Variants in PEMT observed in about 807,000 individuals in gnomAD.
The protein encoded by PEMT is phospholipid methyltransferase.
PEMT carries 23 observed loss-of-function variants against 27.4 expected under a neutral mutation model. That is an observed-to-expected ratio of 0.84 (90% confidence interval 0.60 to 1.19). The LOEUF is 1.19. Among genes scored for constraint, PEMT ranks in the 50% most tolerant of loss-of-function variants. PEMT has a pLI of 0.00. For missense variants in PEMT, 307 were observed against 310.1 expected, an observed-to-expected ratio of 0.99 and a Z score of 0.07; for synonymous variants, 137 against 139.1, an observed-to-expected ratio of 0.98 and a Z score of 0.11.
intron 3 of PEMT, among the ~76,000 whole-genome samples, chr17:17,515,404 C>T (rs1300251571): frequency 6.6e-6 from 1 of 152,200 alleles, no homozygotes; most frequent in Non-Finnish European, 1.5e-5. Flanking sequence ...AGATTTGCCC[C>T]AGACCTGACC....
chr17:17,561,770 G>A lies in PEMT; in HGVS notation c.204+15150C>T, dbSNP rs1396555541. ...ACAACCGCACCGGGCTCCCGAGGAT[G>A]GCAAGGGGGACAGACTCCAGTGGGC... is the stretch of plus-strand genomic sequence containing the variant. On this transcript the variant is annotated intron_variant, in intron 2 of 6. Coordinates refer to ENST00000255389, the MANE Select transcript of PEMT (RefSeq NM_148172.3). This position sits in a 1 kb window ranked among gnomAD's most constrained non-coding sequence, Gnocchi z 4.5. 2.0e-5 allele frequency among the ~76,000 whole-genome samples: 3 copies of A among 152,250 alleles called. No individual in the cohort carries two copies. The highest frequency in any genetic ancestry group is 6.5e-5 in the Admixed American group (1 of 15,286).
chr17:17,567,871 G>T (rs2142716088), intron 2 of PEMT, among the ~76,000 whole-genome samples: 1 of 152,372 alleles, frequency 6.6e-6, no homozygotes, highest in East Asian at 1.9e-4. Flanking sequence ...GCAAGTGCAA[G>T]AGGCCCTGGC....
At chr17:17,535,569 A>G (rs922034135) in intron 2 of PEMT, among the ~76,000 whole-genome samples, 2 of 23,182 alleles carry the variant, frequency 8.6e-5, no homozygotes, top group Non-Finnish European at 1.9e-4. Flanking sequence ...CGTCTCAAGA[A>G]AAAAAAAAAA....
chr17:17,547,030 T>C (rs1357624262), intron 2 of PEMT, among the ~76,000 whole-genome samples: 1 of 152,246 alleles, frequency 6.6e-6, no homozygotes, highest in Admixed American at 6.5e-5. Context: ...CCCACTGGTC[T>C]CCAGCTCCAG....
intron 2 of PEMT, among the ~76,000 whole-genome samples, chr17:17,556,374 CTCACT>C (rs963320075): frequency 5.0e-5 from 6 of 120,890 alleles, no homozygotes; most frequent in African/African-American, 2.2e-4. Context: ...CTCTCTCTCT[CTCACT>C]TTTTTTTTTT....
intron 2 of PEMT, among the ~76,000 whole-genome samples, chr17:17,563,392 GCC>G (rs1409553761): frequency 2.0e-5 from 3 of 152,080 alleles, no homozygotes; most frequent in Non-Finnish European, 1.5e-5. Flanking sequence ...ATCCGCAGGG[GCC>G]CCCTCTCAGC....
At chr17:17,521,956 C>G (rs1907299450) in intron 3 of PEMT, among the ~76,000 whole-genome samples, 1 of 152,202 alleles carries the variant, frequency 6.6e-6, no homozygotes, top group Non-Finnish European at 1.5e-5. Context: ...CATCCACCTT[C>G]TGACTGGACG....
chr17:17,543,912 A>G (rs112287094), intron 2 of PEMT, among the ~76,000 whole-genome samples: 42 of 152,330 alleles, frequency 2.8e-4, no homozygotes, highest in African/African-American at 9.9e-4. Context: ...TTGACCATGC[A>G]TACAATTTGC....
chr17:17,541,725 C>A (rs2142603030), intron 2 of PEMT, among the ~76,000 whole-genome samples: 1 of 152,376 alleles, frequency 6.6e-6, no homozygotes. Flanking sequence ...GCAACCTGCC[C>A]AAGAAGGCTC....
At position 17,571,711 on chromosome 17, in the gene PEMT, G is replaced by T. The variant is rs1385875142; in HGVS notation, c.204+5209C>A. 8.3e-5 allele frequency among the ~76,000 whole-genome samples: 12 copies of T among 144,940 alleles called. No homozygotes were observed. In the East Asian group the frequency reaches 1.0e-3, roughly 12 times the overall value. The stretch of plus-strand genomic sequence containing the variant: ...TCACACACAGTCTGTTTTGTTTTGG[G>T]TTTTTTTTTTTTTCTGATACAGGGT... On this transcript the variant is annotated intron_variant, in intron 2 of 6. Coordinates refer to ENST00000255389, the MANE Select transcript of PEMT (RefSeq NM_148172.3).
rs960977826 is a variant in PEMT at position 17,523,641 on chromosome 17, C to A, written c.205-1246G>T. On this transcript the variant is annotated intron_variant, in intron 2 of 6. Transcript: ENST00000255389. This position sits in a 1 kb window ranked among gnomAD's most constrained non-coding sequence, Gnocchi z 4.8. The stretch of plus-strand genomic sequence containing the variant: ...CCTAGTCCAGGTCTCAGCAGGTGGC[C>A]GCTGCTGACTCTGTGGGAAGCTCAA... Among the ~76,000 whole-genome samples the A allele has an allele frequency of 1.3e-5, 2 of 151,928 alleles. No homozygotes were observed. The highest frequency in any genetic ancestry group is 4.8e-5 in the African/African-American group (2 of 41,318).
chr17:17,549,827 T>G (rs1909521556), intron 2 of PEMT, among the ~76,000 whole-genome samples: 1 of 152,152 alleles, frequency 6.6e-6, no homozygotes. Flanking sequence ...TGCCACAGCT[T>G]TTCAGCCCAG....
intron 1 of PEMT, among the ~76,000 whole-genome samples, chr17:17,585,406 T>G (rs1186352378): frequency 6.6e-6 from 1 of 151,708 alleles, no homozygotes; most frequent in Non-Finnish European, 1.5e-5. Flanking sequence ...AACTAAAGGG[T>G]GGAAAAGACA....
intron 2 of PEMT, among the ~76,000 whole-genome samples, chr17:17,534,147 G>A (rs1362825077): frequency 6.6e-6 from 1 of 152,170 alleles, no homozygotes. Flanking sequence ...GAACATGGAT[G>A]TTTACAGTAG....
chr17:17,524,234 G>A (rs1907504894), intron 2 of PEMT, among the ~76,000 whole-genome samples: 1 of 152,204 alleles, frequency 6.6e-6, no homozygotes, highest in South Asian at 2.1e-4. Flanking sequence ...ACGGGCGCTT[G>A]CTAGGAACAA....
intron 3 of PEMT, among the ~76,000 whole-genome samples, chr17:17,520,569 G>C (rs1054813294): frequency 6.6e-6 from 1 of 152,234 alleles, no homozygotes; most frequent in Non-Finnish European, 1.5e-5. Flanking sequence ...GGAGAGCCTA[G>C]AAGATTGTAA....
At chr17:17,515,302 G>A (rs143927608) in intron 3 of PEMT, among the ~76,000 whole-genome samples, 21 of 152,340 alleles carry the variant, frequency 1.4e-4, no homozygotes, top group African/African-American at 5.1e-4. Context: ...GCTTCCCTGG[G>A]GGCATGGCTC....
intron 1 of PEMT, among the ~76,000 whole-genome samples, chr17:17,581,702 C>G (rs767583397): frequency 2.0e-5 from 3 of 152,364 alleles, no homozygotes; most frequent in Admixed American, 1.3e-4. Flanking sequence ...CCCCTCCCCC[C>G]TCTCCCTCCT....
chr17:17,551,826 G>C (rs189031022), intron 2 of PEMT, among the ~76,000 whole-genome samples: 2 of 152,356 alleles, frequency 1.3e-5, no homozygotes, highest in Admixed American at 6.5e-5. Flanking sequence ...CGGTTGGATG[G>C]AGGAGGGCAG....
Sources: gnomAD v4.1 joint callset for allele counts (sites outside exome capture counted in the v4.1 genomes callset) on GRCh38, gnomAD v4.1.1 for gene constraint, Gnocchi (gnomAD v3.1) non-coding constraint, MANE v1.5 for transcripts, NCBI Gene and HGNC (gene_info 2026-07-23, HGNC 2026-07-21) for gene names.